The following PCDHA3 variants were observed in gnomAD, a reference collection of about 807,000 sequenced individuals.
PCDHA3 encodes the protein protocadherin alpha-3.
A neutral mutation model predicts 62.2 loss-of-function variants in PCDHA3; 41 were observed. That is an observed-to-expected ratio of 0.66 (90% confidence interval 0.51 to 0.86). The LOEUF is 0.86. PCDHA3 is among the 40% of genes least tolerant of loss of function. PCDHA3 has a pLI of 0.00. For synonymous variants in PCDHA3, 640 were observed against 555.4 expected, an observed-to-expected ratio of 1.15 and a Z score of -2.14; for missense variants, 1,304 against 1,241.2, an observed-to-expected ratio of 1.05 and a Z score of -0.76.
chr5:141,003,796 G>A (rs2098138988), intron 3 of PCDHA3, among the ~76,000 whole-genome samples: 1 of 152,168 alleles, frequency 6.6e-6, no homozygotes, highest in Non-Finnish European at 1.5e-5. Context: ...ATCCTATTGG[G>A]TTGTAATCTG....
rs1554150747 is a variant in PCDHA3, at chr5:140,857,851, A to G, written c.2394+54260A>G. 5 of 1,597,646 alleles carry G rather than the reference A, an allele frequency of 3.1e-6. 1 individual carries two copies. Among genetic ancestry groups the G allele is most frequent in the Non-Finnish European group, 4.3e-6 (5 of 1,167,500 alleles). ...TGCGCGCAGTGGACGCTGACTCTGG[A>G]TACAACGCGTGGCTGTCGTATGAAT... On this transcript the variant is annotated intron_variant, in intron 1 of 3. Transcript: ENST00000522353.
At chr5:140,943,624 G>C (rs2093534515) in intron 1 of PCDHA3, among the ~76,000 whole-genome samples, 2 of 152,106 alleles carry the variant, frequency 1.3e-5, no homozygotes, top group African/African-American at 4.8e-5. Context: ...ATCTGCATAA[G>C]GAAGCTGGAT....
intron 1 of PCDHA3, among the ~76,000 whole-genome samples, chr5:140,961,550 CT>C (rs571779587): frequency 6.6e-6 from 1 of 152,032 alleles, no homozygotes; most frequent in Admixed American, 6.6e-5. Context: ...TGCAGCATTT[CT>C]TTTTTTAAAT....
intron 1 of PCDHA3, chr5:140,829,446 C>T (rs2150168086): frequency 3.6e-5 from 58 of 1,613,896 alleles, no homozygotes; most frequent in Non-Finnish European, 4.7e-5. Context: ...AATGACAATG[C>T]TCCGGCGTTC....
intron 1 of PCDHA3, chr5:140,809,348 C>T: frequency 6.2e-7 from 1 of 1,614,028 alleles, no homozygotes; most frequent in Non-Finnish European, 8.5e-7. Flanking sequence ...GTACACCGCG[C>T]TGCGGTGCTC....
rs2150247025 is a variant in PCDHA3, at chr5:140,835,871, G to A, written c.2394+32280G>A. 23 of 1,611,942 alleles carry A rather than the reference G, an allele frequency of 1.4e-5. No individual in the cohort carries two copies. The South Asian group carries it at 2.4e-4, about 17-fold the overall frequency. On this transcript the variant is annotated intron_variant, in intron 1 of 3. Transcript: ENST00000522353. ...CGCTGGTGTCCTACTCGCTGGTGGA[G>A]CTGCGGGTGGGCGAGCGCGCGCTGT...
chr5:140,880,417 G>A (rs1202890717), intron 1 of PCDHA3, among the ~76,000 whole-genome samples: 15 of 152,250 alleles, frequency 9.9e-5, no homozygotes, highest in South Asian at 2.1e-4. Context: ...CCTTAAAAGC[G>A]GGAACAGTTT....
intron 1 of PCDHA3, chr5:140,843,178 C>T (rs1188166294): frequency 6.3e-7 from 1 of 1,595,986 alleles, no homozygotes; most frequent in Non-Finnish European, 8.6e-7. Context: ...GCAGCCCTCG[C>T]ATCCCGTTCC....
chr5:140,870,344 G>C, intron 1 of PCDHA3: 1 of 1,614,196 alleles, frequency 6.2e-7, no homozygotes, highest in Non-Finnish European at 8.5e-7. Flanking sequence ...GCCCTGGACC[G>C]CGAGAACGTG....
At chr5:140,968,808 TGGATAGGG>T (rs782488281) in intron 1 of PCDHA3, 2 of 1,614,204 alleles carry the variant, frequency 1.2e-6, no homozygotes, top group Non-Finnish European at 1.7e-6. Context: ...GTAGCTGTGG[TGGATAGGG>T]TTTCCAAAAT....
intron 1 of PCDHA3, chr5:140,927,699 G>A (rs155361): frequency 0.52 from 840,731 of 1,613,754 alleles, 221,277 homozygotes; most frequent in African/African-American, 0.71. Context: ...GGGAAGTCCA[G>A]TACTCCCTAA....
chr5:140,869,499 G>A, intron 1 of PCDHA3: 8 of 1,614,196 alleles, frequency 5.0e-6, no homozygotes, highest in Non-Finnish European at 5.9e-6. Context: ...ACCCGCCGGT[G>A]TTCTCGCTCA....
At chr5:140,912,865 A>G (rs1554195582) in intron 1 of PCDHA3, among the ~76,000 whole-genome samples, 1 of 152,138 alleles carries the variant, frequency 6.6e-6, no homozygotes, top group East Asian at 1.9e-4. Flanking sequence ...GAAATGATAT[A>G]TGGTTTTTGG....
chr5:141,006,177 AAG>A (rs2098258661), intron 3 of PCDHA3, among the ~76,000 whole-genome samples: 2 of 151,826 alleles, frequency 1.3e-5, no homozygotes, highest in African/African-American at 4.8e-5. Context: ...ATATTTTTAA[AAG>A]AGTTTGCTAT....
chr5:140,876,868 G>T, intron 1 of PCDHA3: 1 of 1,614,160 alleles, frequency 6.2e-7, no homozygotes, highest in Non-Finnish European at 8.5e-7. Flanking sequence ...GTTCGTGAAG[G>T]AGAACAACCC....
intron 1 of PCDHA3, chr5:140,830,587 T>G (rs1554132940): frequency 1.3e-6 from 1 of 755,644 alleles, no homozygotes; most frequent in East Asian, 3.3e-5. Flanking sequence ...TTTAATTAAT[T>G]TTACAAAATT....
At chr5:140,853,256 C>T (rs943963814) in intron 1 of PCDHA3, 1 of 973,952 alleles carries the variant, frequency 1.0e-6, no homozygotes, top group Non-Finnish European at 1.2e-6. Context: ...TCTATTCTCT[C>T]TCAGAGTACA....
rs1175289327 is a variant in PCDHA3 at position 140,945,113 on chromosome 5, T to TA, written c.2395-33830dup. ...TAATAAACAAAATAAAGTTGAAAGA[T>TA]AAAAAATCAACTTACAAAAATCAAT... On this transcript the variant is annotated intron_variant, in intron 1 of 3. Coordinates refer to ENST00000522353, the MANE Select transcript of PCDHA3 (RefSeq NM_018906.3). Among the ~76,000 whole-genome samples, 7 of 152,200 alleles carry TA rather than the reference T, an allele frequency of 4.6e-5. No individual in the cohort carries two copies. In the East Asian group the frequency reaches 1.2e-3, roughly 25 times the overall value.
At chr5:140,808,921 C>T in intron 1 of PCDHA3, 2 of 1,613,590 alleles carry the variant, frequency 1.2e-6, no homozygotes, top group South Asian at 2.2e-5. Context: ...GCGCAGTGAG[C>T]GAGCTGGTGC....
Sources: allele counts gnomAD v4.1 joint callset (sites outside exome capture counted in the v4.1 genomes callset), GRCh38; gene constraint gnomAD v4.1.1; transcripts MANE v1.5; gene names NCBI Gene and HGNC (gene_info 2026-07-23, HGNC 2026-07-21).